Variants in SH3GL2 observed in about 807,000 individuals in gnomAD.
The protein encoded by SH3GL2 is endophilin-A1.
A neutral mutation model predicts 46.0 loss-of-function variants in SH3GL2; 24 were observed. The observed-to-expected ratio is 0.52, with a 90% CI of 0.38 to 0.73. The LOEUF (loss-of-function observed/expected upper bound fraction) is 0.73, where lower values mean the gene tolerates loss of function less well. Among genes scored for constraint, SH3GL2 ranks in the 30% least tolerant of loss-of-function variants. SH3GL2 has a pLI of 0.00. For missense variants in SH3GL2, 413 were observed against 424.2 expected (o/e 0.97, Z 0.23); for synonymous variants, 196 against 147.1 (o/e 1.33, Z -2.40).
At chr9:17,582,962 G>C (rs1039191131) in intron 1 of SH3GL2, among the ~76,000 whole-genome samples, 6 of 152,144 alleles carry the variant, frequency 3.9e-5, no homozygotes, top group Non-Finnish European at 5.9e-5. Flanking sequence ...AGTCATATAG[G>C]ATTGGGCAAG....
intron 1 of SH3GL2, among the ~76,000 whole-genome samples, chr9:17,678,675 C>T (rs1367669391): frequency 6.6e-6 from 1 of 152,264 alleles, no homozygotes; most frequent in East Asian, 1.9e-4. Context: ...GTTGCCATTG[C>T]TTTTGGTGTT....
At chr9:17,697,692 T>C (rs79563880) in intron 1 of SH3GL2, among the ~76,000 whole-genome samples, 1,956 of 152,284 alleles carry the variant, frequency 0.013, 46 homozygotes, top group African/African-American at 0.043. Flanking sequence ...ACTGAAACCA[T>C]ATCATTGCCC....
At chr9:17,635,773 C>T (rs537738475) in intron 1 of SH3GL2, among the ~76,000 whole-genome samples, 55 of 152,236 alleles carry the variant, frequency 3.6e-4, no homozygotes, top group African/African-American at 1.2e-3. Context: ...GGTTCAGGCA[C>T]AAGGGAGAAA....
chr9:17,624,748 G>T (rs1819241892), intron 1 of SH3GL2, among the ~76,000 whole-genome samples: 1 of 152,204 alleles, frequency 6.6e-6, no homozygotes, highest in East Asian at 1.9e-4. Flanking sequence ...ATATACTCTA[G>T]CCCTGGAGCC....
chr9:17,646,037 A>G (rs777818254), intron 1 of SH3GL2, among the ~76,000 whole-genome samples: 5 of 151,950 alleles, frequency 3.3e-5, no homozygotes, highest in Non-Finnish European at 7.4e-5. Flanking sequence ...GTCTTTTCAC[A>G]TAGTCCCATA....
chr9:17,610,969 A>G (rs1328739576), intron 1 of SH3GL2, among the ~76,000 whole-genome samples: 1 of 152,208 alleles, frequency 6.6e-6, no homozygotes, highest in Non-Finnish European at 1.5e-5. Context: ...TGTGAGTGCC[A>G]AAGTGTTAAA....
rs532766187 is a variant in SH3GL2, at chr9:17,692,639, A to G, written c.46-54427A>G. On this transcript the variant is annotated intron_variant, in intron 1 of 8. Transcript: ENST00000380607. ...TAGCCTGGGCAACAGAGGAGACTCC[A>G]TCTCAAAAAAAAAAATTACTTGGAG... is the stretch of plus-strand genomic sequence containing the variant. Among the ~76,000 whole-genome samples the G allele has an allele frequency of 4.1e-4, 48 of 117,658 alleles. 1 individual carries two copies. The highest frequency in any genetic ancestry group is 1.5e-3 in the African/African-American group (45 of 29,810). The allele number at this position is 117,658 out of a possible 152,430, so 77.2% of individuals were successfully genotyped here.
chr9:17,608,147 CTTTT>C (rs58474566), intron 1 of SH3GL2, among the ~76,000 whole-genome samples: 1 of 120,334 alleles, frequency 8.3e-6, no homozygotes, highest in Admixed American at 9.9e-5. Flanking sequence ...AAGCTTTCCT[CTTTT>C]TTTTTTTTTT....
chr9:17,711,139 C>A (rs999754207), intron 1 of SH3GL2, among the ~76,000 whole-genome samples: 47 of 151,814 alleles, frequency 3.1e-4, no homozygotes, highest in Non-Finnish European at 2.2e-4. Flanking sequence ...ATGTAAGGTG[C>A]TTCAAAGGAT....
Position 17,738,651 on chromosome 9 carries a change from G to C in SH3GL2, c.46-8415G>C, listed in dbSNP as rs1411087559. ...TTATATATATATATATAGAGAGAGA[G>C]AGAGAGAGAGAGAGAGAGAGAGATA... On this transcript the variant is annotated intron_variant, in intron 1 of 8. Transcript: ENST00000380607. 9.1e-5 allele frequency among the ~76,000 whole-genome samples: 8 copies of C among 87,462 alleles called. 1 individual carries two copies. The South Asian group carries it at 2.6e-3, about 29-fold the overall frequency. The allele number at this position is 87,462 out of a possible 152,430, so 57.4% of individuals were successfully genotyped here.
intron 1 of SH3GL2, among the ~76,000 whole-genome samples, chr9:17,687,342 T>C (rs1820945235): frequency 6.6e-6 from 1 of 152,102 alleles, no homozygotes; most frequent in African/African-American, 2.4e-5. Flanking sequence ...GAACAAGTAT[T>C]ATTTTGGGAT....
intron 1 of SH3GL2, among the ~76,000 whole-genome samples, chr9:17,629,010 T>C (rs1239714273): frequency 1.3e-5 from 2 of 152,030 alleles, no homozygotes; most frequent in African/African-American, 4.8e-5. Flanking sequence ...GCCTTCTGTC[T>C]GTCAAACAGA....
chr9:17,683,590 C>G (rs1227252127), intron 1 of SH3GL2, among the ~76,000 whole-genome samples: 2 of 151,960 alleles, frequency 1.3e-5, no homozygotes, highest in African/African-American at 2.4e-5. Flanking sequence ...ACGTCCTACC[C>G]CTATACCCAG....
chr9:17,663,880 G>C (rs890823561), intron 1 of SH3GL2, among the ~76,000 whole-genome samples: 1 of 152,168 alleles, frequency 6.6e-6, no homozygotes, highest in African/African-American at 2.4e-5. Flanking sequence ...TTAAAGACTT[G>C]TCACTTCATG....
At chr9:17,629,390 T>C (rs1819367992) in intron 1 of SH3GL2, among the ~76,000 whole-genome samples, 2 of 152,240 alleles carry the variant, frequency 1.3e-5, no homozygotes, top group Admixed American at 1.3e-4. Flanking sequence ...TTTTTTATAA[T>C]GAAGTCTCTG....
chr9:17,696,134 C>A (rs1821196421), intron 1 of SH3GL2, among the ~76,000 whole-genome samples: 1 of 152,074 alleles, frequency 6.6e-6, no homozygotes, highest in African/African-American at 2.4e-5. Flanking sequence ...GAAGTCTGTT[C>A]AAAGTGGGGG....
chr9:17,750,595 T>G (rs923210571), intron 2 of SH3GL2, among the ~76,000 whole-genome samples: 1 of 152,216 alleles, frequency 6.6e-6, no homozygotes, highest in Non-Finnish European at 1.5e-5. Context: ...GTTTTCATTT[T>G]AAATGCTGTC....
At chr9:17,586,403 C>A (rs1423186845) in intron 1 of SH3GL2, among the ~76,000 whole-genome samples, 4 of 152,036 alleles carry the variant, frequency 2.6e-5, no homozygotes, top group Non-Finnish European at 5.9e-5. Flanking sequence ...ATAGAAATAT[C>A]TTTTTTATAA....
At chr9:17,602,260 T>C (rs1054693162) in intron 1 of SH3GL2, among the ~76,000 whole-genome samples, 7 of 152,132 alleles carry the variant, frequency 4.6e-5, no homozygotes, top group Non-Finnish European at 1.0e-4. Context: ...GATCACAGCT[T>C]GAAATGGGGC....
Sources: allele counts gnomAD v4.1 joint callset (sites outside exome capture counted in the v4.1 genomes callset), GRCh38; gene constraint gnomAD v4.1.1; transcripts MANE v1.5; gene names NCBI Gene and HGNC (gene_info 2026-07-23, HGNC 2026-07-21).